Variants in NTRK2 observed in about 807,000 individuals in gnomAD.
NTRK2 encodes BDNF/NT-3 growth factors receptor.
Under a neutral mutation model 94.5 loss-of-function variants are expected in NTRK2, and 13 were observed. The ratio of observed to expected loss-of-function variants is 0.14; its 90% confidence interval spans 0.09 to 0.22. The LOEUF is 0.22. NTRK2 is among the 10% of genes least tolerant of loss of function. The pLI, the probability that NTRK2 is intolerant of heterozygous loss-of-function variation, is 1.00. For missense variants in NTRK2, 639 were observed against 1,071.2 expected (o/e 0.60, Z 5.63); for synonymous variants, 372 against 407.4 (o/e 0.91, Z 1.05).
intron 9 of NTRK2, among the ~76,000 whole-genome samples, chr9:84,733,544 T>C (rs2063038720): frequency 6.6e-6 from 1 of 152,012 alleles, no homozygotes; most frequent in East Asian, 1.9e-4. Context: ...GTGGCAGGGG[T>C]GGGGTGCAGG....
chr9:84,816,558 A>G (rs1266374348), intron 12 of NTRK2, among the ~76,000 whole-genome samples: 1 of 151,894 alleles, frequency 6.6e-6, no homozygotes, highest in Non-Finnish European at 1.5e-5. Flanking sequence ...AGGCGGGCGG[A>G]TCATGAGGTC....
chr9:84,854,026 C>T (rs1181330529), intron 12 of NTRK2, among the ~76,000 whole-genome samples: 2 of 149,020 alleles, frequency 1.3e-5, no homozygotes, highest in Non-Finnish European at 1.5e-5. Context: ...GAGCTGAGAT[C>T]GCACCACTGC....
chr9:84,953,597 C>T (rs1460445214), intron 16 of NTRK2, among the ~76,000 whole-genome samples: 2 of 152,158 alleles, frequency 1.3e-5, no homozygotes, highest in Non-Finnish European at 2.9e-5. Flanking sequence ...CAGCATTGTT[C>T]CTCAATGTGA....
rs1833028668 is a variant in NTRK2 at position 85,026,206 on chromosome 9, C to G, written c.*4769C>G. The stretch of plus-strand genomic sequence containing the variant: ...CTGTGAATTTCACAACAACCACCAC[C>G]AAGCAACTATTTTGCCATCTTAACA... On this transcript the variant is annotated 3_prime_UTR_variant, in exon 19 of 19. Coordinates refer to ENST00000277120, the MANE Select transcript of NTRK2 (RefSeq NM_006180.6). The G allele has an allele frequency of 4.4e-6, 1 of 229,310 alleles. No individual in the cohort carries two copies. The highest frequency in any genetic ancestry group is 5.7e-5 in the Admixed American group (1 of 17,616). The allele number at this position is 229,310 out of a possible 1,614,324, so 14.2% of individuals were successfully genotyped here.
At chr9:84,884,960 G>T (rs2076368394) in intron 14 of NTRK2, among the ~76,000 whole-genome samples, 2 of 150,718 alleles carry the variant, frequency 1.3e-5, no homozygotes, top group African/African-American at 2.4e-5. Context: ...TAAAAGAAAA[G>T]CCACTAAACT....
chr9:84,976,226 T>G (rs562092910), intron 17 of NTRK2, among the ~76,000 whole-genome samples: 1 of 152,220 alleles, frequency 6.6e-6, no homozygotes, highest in South Asian at 2.1e-4. Context: ...GCCAGCATGG[T>G]TGGGTTCTGG....
At chr9:84,699,985 T>C (rs796647852) in intron 2 of NTRK2, among the ~76,000 whole-genome samples, 2 of 152,310 alleles carry the variant, frequency 1.3e-5, no homozygotes, top group South Asian at 4.1e-4. Context: ...AAAGTCCCCA[T>C]TGAGTTCCAG....
At chr9:84,984,882 T>G (rs1828110641) in intron 17 of NTRK2, among the ~76,000 whole-genome samples, 1 of 152,252 alleles carries the variant, frequency 6.6e-6, no homozygotes, top group African/African-American at 2.4e-5. Context: ...TTCAGCAGGT[T>G]GTTGTGGAGA....
intron 12 of NTRK2, among the ~76,000 whole-genome samples, chr9:84,796,089 C>A (rs2069293660): frequency 6.6e-6 from 1 of 152,044 alleles, no homozygotes; most frequent in Non-Finnish European, 1.5e-5. Flanking sequence ...GCTACTGCAA[C>A]CAACAAATAA....
chr9:84,853,719 C>T (rs1329871179), intron 12 of NTRK2, among the ~76,000 whole-genome samples: 2 of 152,138 alleles, frequency 1.3e-5, no homozygotes, highest in Admixed American at 6.5e-5. Context: ...CTGCCCGTGT[C>T]CTCTCAGCTC....
chr9:84,780,856 T>C (rs1339432090), intron 12 of NTRK2, among the ~76,000 whole-genome samples: 1 of 152,202 alleles, frequency 6.6e-6, no homozygotes, highest in African/African-American at 2.4e-5. Context: ...AGCTATGAGC[T>C]ATGAAGTTTT....
At chr9:84,771,237 G>A (rs2132832118) in intron 12 of NTRK2, among the ~76,000 whole-genome samples, 1 of 152,318 alleles carries the variant, frequency 6.6e-6, no homozygotes, top group Middle Eastern at 3.4e-3. Flanking sequence ...GAGAGCAGGA[G>A]ATGGAAATTT....
chr9:84,899,700 G>C (rs893729890), intron 14 of NTRK2, among the ~76,000 whole-genome samples: 4 of 152,186 alleles, frequency 2.6e-5, no homozygotes, highest in Non-Finnish European at 4.4e-5. Flanking sequence ...GTTCATATTG[G>C]GGTGATAGAG....
At chr9:84,820,924 T>A (rs1339036446) in intron 12 of NTRK2, among the ~76,000 whole-genome samples, 2 of 152,228 alleles carry the variant, frequency 1.3e-5, no homozygotes, top group Admixed American at 1.3e-4. Flanking sequence ...TGTCTGCCTA[T>A]AAAATCTCTG....
chr9:84,798,820 C>G (rs1185658529), intron 12 of NTRK2, among the ~76,000 whole-genome samples: 1 of 151,354 alleles, frequency 6.6e-6, no homozygotes, highest in Non-Finnish European at 1.5e-5. Context: ...GCATTTGCCA[C>G]TTCAAGGACA....
At chr9:84,990,812 G>C (rs1588131711) in intron 17 of NTRK2, among the ~76,000 whole-genome samples, 1 of 152,234 alleles carries the variant, frequency 6.6e-6, no homozygotes, top group African/African-American at 2.4e-5. Context: ...AGACCTGAAG[G>C]AGAGGCTTAA....
chr9:84,967,697 A>G (rs1282506181), intron 17 of NTRK2, among the ~76,000 whole-genome samples: 1 of 152,218 alleles, frequency 6.6e-6, no homozygotes, highest in Non-Finnish European at 1.5e-5. Context: ...GTTCATTCAC[A>G]TGTTGGTGAT....
At chr9:84,749,720 C>A (rs2064415808) in intron 11 of NTRK2, among the ~76,000 whole-genome samples, 1 of 152,170 alleles carries the variant, frequency 6.6e-6, no homozygotes, top group Non-Finnish European at 1.5e-5. Flanking sequence ...ATTATATTCT[C>A]CATCTTACAC....
At chr9:84,871,499 A>C (rs534886728) in intron 14 of NTRK2, among the ~76,000 whole-genome samples, 1 of 152,328 alleles carries the variant, frequency 6.6e-6, no homozygotes, top group Non-Finnish European at 1.5e-5. Flanking sequence ...ATGATGCTCA[A>C]AAGTGGTTTG....
Sources: gnomAD v4.1 joint callset for allele counts (sites outside exome capture counted in the v4.1 genomes callset) on GRCh38, gnomAD v4.1.1 for gene constraint, MANE v1.5 for transcripts, NCBI Gene and HGNC (gene_info 2026-07-23, HGNC 2026-07-21) for gene names.